CFAP58: variants seen among roughly 807,000 people sequenced by gnomAD.
CFAP58 encodes cilia and flagella associated protein 58, also known as cilia- and flagella-associated protein 58.
In CFAP58, 88 loss-of-function variants were observed where a neutral mutation model predicts 119.5. That is an observed-to-expected ratio of 0.74 (90% CI 0.62 to 0.88). The LOEUF is 0.88. Ranked by LOEUF, CFAP58 falls within the 40% of genes least tolerant of loss-of-function variation. CFAP58 has a pLI of 0.00. For synonymous variants in CFAP58, 365 were observed against 366.3 expected, an observed-to-expected ratio of 1.00 and a Z score of 0.04; for missense variants, 990 against 1,021.2, an observed-to-expected ratio of 0.97 and a Z score of 0.42.
intron 15 of CFAP58, among the ~76,000 whole-genome samples, chr10:104,446,055 A>T (rs752505833): frequency 2.6e-5 from 4 of 152,222 alleles, no homozygotes; most frequent in Non-Finnish European, 4.4e-5. Context: ...TGTTTCATGG[A>T]CTTCTCCACA....
At chr10:104,449,240 G>A (rs1434437216) in intron 16 of CFAP58, among the ~76,000 whole-genome samples, 1 of 151,388 alleles carries the variant, frequency 6.6e-6, no homozygotes, top group East Asian at 1.9e-4. Flanking sequence ...TCACAGCAGT[G>A]AAGAAGAAAG....
chr10:104,381,094 G>A (rs944500201), intron 9 of CFAP58, among the ~76,000 whole-genome samples: 4 of 152,174 alleles, frequency 2.6e-5, no homozygotes, highest in Non-Finnish European at 2.9e-5. Context: ...AGGCTACAGT[G>A]AGCTGTGGTT....
chr10:104,365,014 A>C (rs1331194566), intron 4 of CFAP58, 125 bp downstream of exon 4: 19 of 885,302 alleles, frequency 2.1e-5, no homozygotes, highest in Middle Eastern at 3.3e-4. Flanking sequence ...AAACATCCTC[A>C]GTTCTGCTTG....
intron 15 of CFAP58, among the ~76,000 whole-genome samples, chr10:104,411,263 A>G (rs970641873): frequency 2.0e-5 from 3 of 152,070 alleles, no homozygotes; most frequent in South Asian, 4.2e-4. Context: ...CTAATAGTCA[A>G]TCCACTGAGA....
chr10:104,379,913 T>A, intron 8 of CFAP58, 116 bp from the exon 9 acceptor site: 1 of 919,784 alleles, frequency 1.1e-6, no homozygotes, highest in South Asian at 1.7e-5. Flanking sequence ...ATGATCATTT[T>A]TATTCATCCA....
the CFAP58 span, among the ~76,000 whole-genome samples, chr10:104,348,038 A>C: frequency 6.6e-6 from 1 of 152,186 alleles, no homozygotes; most frequent in Admixed American, 6.5e-5. Flanking sequence ...TTCCAAGGGA[A>C]AATAATAGAA....
intron 12 of CFAP58, 31 bp downstream of exon 12, chr10:104,399,531 C>T (rs1465568325): frequency 6.2e-7 from 1 of 1,607,118 alleles, no homozygotes. Flanking sequence ...ACTTGCAGAC[C>T]TTGTCAACAG....
chr10:104,428,540 AATGGAGTG>A (rs2012789144), intron 15 of CFAP58, among the ~76,000 whole-genome samples: 1 of 152,206 alleles, frequency 6.6e-6, no homozygotes, highest in Non-Finnish European at 1.5e-5. Flanking sequence ...CCCTGAGTCT[AATGGAGTG>A]ATGCGTGCTC....
At chr10:104,352,025 G>A (rs2014465969), upstream of CFAP58, 2 of 152,168 alleles carry the variant, frequency 1.3e-5, no homozygotes, top group Admixed American at 1.3e-4. Context: ...GCCTATGAAT[G>A]TATAAAGAAA....
intron 8 of CFAP58, 133 bp from the exon 9 acceptor site, chr10:104,379,896 A>T (rs2011748313): frequency 3.6e-6 from 3 of 822,724 alleles, no homozygotes; most frequent in Non-Finnish European, 5.9e-6. Context: ...AATAAGCTGT[A>T]GAGAATATGA....
At chr10:104,433,834 T>C (rs1289414746) in intron 15 of CFAP58, among the ~76,000 whole-genome samples, 7 of 152,250 alleles carry the variant, frequency 4.6e-5, no homozygotes, top group Non-Finnish European at 1.5e-5. Flanking sequence ...CATTGCTACA[T>C]TGCATTTTTT....
At chr10:104,446,909 T>A (rs984543280) in intron 15 of CFAP58, among the ~76,000 whole-genome samples, 1 of 152,200 alleles carries the variant, frequency 6.6e-6, no homozygotes, top group African/African-American at 2.4e-5. Context: ...TTCTAGAAAA[T>A]CCTTTCTTTT....
In CFAP58 at chr10:104,428,374, T is replaced by C. The variant is rs2012786076; in HGVS notation, c.2257-19324T>C. ...GACAATGGGGACAGCAGACTTGGGT[T>C]ACTTGTAGGAGACATTTGACTATGA... On this transcript the variant is annotated intron_variant, in intron 15 of 17. Coordinates refer to ENST00000369704, the MANE Select transcript of CFAP58 (RefSeq NM_001008723.2). Among the ~76,000 whole-genome samples, 2 of 152,186 alleles carry C rather than the reference T, an allele frequency of 1.3e-5. 1 individual carries two copies. Among genetic ancestry groups the C allele is most frequent in the African/African-American group, 4.8e-5 (2 of 41,434 alleles).
intron 13 of CFAP58, among the ~76,000 whole-genome samples, chr10:104,403,511 C>CTT (rs572839157): frequency 0.017 from 2,225 of 133,082 alleles, 43 homozygotes; most frequent in East Asian, 0.022. Context: ...AGCCCTGGCA[C>CTT]TTTTTTTTTT....
intron 15 of CFAP58, among the ~76,000 whole-genome samples, chr10:104,428,102 A>C (rs1213821462): frequency 6.6e-6 from 1 of 152,172 alleles, no homozygotes; most frequent in Non-Finnish European, 1.5e-5. Flanking sequence ...GGTTGTTTGT[A>C]GGATCTGGCA....
At chr10:104,445,692 G>A (rs74157113) in intron 15 of CFAP58, among the ~76,000 whole-genome samples, 4,330 of 152,274 alleles carry the variant, frequency 0.028, 217 homozygotes, top group African/African-American at 0.098. Flanking sequence ...GCACAGGAAA[G>A]GTGATTCTTG....
At chr10:104,357,826 CACATATATGTACACATATGT>C (rs2014569616) in intron 1 of CFAP58, among the ~76,000 whole-genome samples, 1 of 144,122 alleles carries the variant, frequency 6.9e-6, no homozygotes, top group Admixed American at 6.9e-5. Flanking sequence ...TACATATATA[CACATATATGTACACATATGT>C]ACACATATAT....
intron 8 of CFAP58, 74 bp from the exon 9 acceptor site, chr10:104,379,955 A>T: frequency 1.7e-6 from 2 of 1,174,962 alleles, no homozygotes; most frequent in Non-Finnish European, 2.4e-6. Flanking sequence ...GTTAGAGATG[A>T]GGCAGAGGGT....
chr10:104,348,060 TGGGTCA>T, the CFAP58 span, among the ~76,000 whole-genome samples: 114 of 151,292 alleles, frequency 7.5e-4, 3 homozygotes, highest in African/African-American at 2.6e-3. Context: ...TGGCTTCATG[TGGGTCA>T]GGTCTCCACC....
Sources: allele counts gnomAD v4.1 joint callset (sites outside exome capture counted in the v4.1 genomes callset), GRCh38; gene constraint gnomAD v4.1.1; transcripts MANE v1.5; gene names NCBI Gene and HGNC (gene_info 2026-07-23, HGNC 2026-07-21).